The following KAZN variants were observed in gnomAD, a reference collection of about 807,000 sequenced individuals.
The protein encoded by KAZN is kazrin.
In KAZN, 40 loss-of-function variants were observed where a neutral mutation model predicts 87.4. The observed-to-expected ratio is 0.46, with a 90% CI of 0.36 to 0.60. KAZN has a LOEUF of 0.60. Among genes scored for constraint, KAZN ranks in the 20% least tolerant of loss-of-function variants. KAZN has a pLI of 0.00. For missense variants in KAZN, 898 were observed against 1,073.9 expected, an observed-to-expected ratio of 0.84 and a Z score of 2.29; for synonymous variants, 466 against 458.3, an observed-to-expected ratio of 1.02 and a Z score of -0.22.
intron 1 of KAZN, among the ~76,000 whole-genome samples, chr1:14,691,423 G>T (rs865968340): frequency 6.6e-6 from 1 of 152,188 alleles, no homozygotes; most frequent in Non-Finnish European, 1.5e-5. Flanking sequence ...GTGCATGCAT[G>T]AAAGAATAAC....
At chr1:14,341,907 G>A (rs566742517) in intron 2 of KAZN, among the ~76,000 whole-genome samples, 22 of 152,174 alleles carry the variant, frequency 1.4e-4, no homozygotes, top group South Asian at 4.1e-4. Flanking sequence ...GGGGTTTGTC[G>A]TACAGATTAT....
intron 2 of KAZN, among the ~76,000 whole-genome samples, chr1:14,379,045 A>G (rs1661146445): frequency 1.0e-5 from 1 of 95,690 alleles, no homozygotes; most frequent in Non-Finnish European, 2.1e-5. Context: ...TGCATCTAGA[A>G]TGCCAGCTCA....
At chr1:14,117,346 G>C (rs1287339105) in intron 1 of KAZN, among the ~76,000 whole-genome samples, 3 of 152,138 alleles carry the variant, frequency 2.0e-5, no homozygotes, top group Non-Finnish European at 4.4e-5. Flanking sequence ...TAAGTCTCAT[G>C]GGAACTGATG....
Position 14,018,834 on chromosome 1 carries a change from A to G in KAZN, c.91+125078A>G, listed in dbSNP as rs537087934. Reference sequence around the variant, plus strand: ...TTCTCAGGCTTTCAGTCTCGGACTAAGAATGACACCATTAGCTTCCCTGGC... The same window carrying G: ...TTCTCAGGCTTTCAGTCTCGGACTAGGAATGACACCATTAGCTTCCCTGGC... On this transcript the variant is annotated intron_variant, in intron 1 of 16. Transcript: ENST00000636203. Among the ~76,000 whole-genome samples, 43 of 152,272 alleles carry G rather than the reference A, an allele frequency of 2.8e-4. 1 individual carries two copies. Among genetic ancestry groups the G allele is most frequent in the African/African-American group, 9.9e-4 (41 of 41,562 alleles).
chr1:14,643,719 T>G (rs944568886), intron 1 of KAZN, among the ~76,000 whole-genome samples: 9 of 152,224 alleles, frequency 5.9e-5, no homozygotes, highest in African/African-American at 1.9e-4. Flanking sequence ...AGTTCTACTT[T>G]TAGCTCTCTG....
At chr1:14,878,656 G>A (rs1198632050) in intron 1 of KAZN, among the ~76,000 whole-genome samples, 5 of 152,170 alleles carry the variant, frequency 3.3e-5, no homozygotes, top group African/African-American at 1.2e-4. Flanking sequence ...GGACAAGGAG[G>A]AGAAAGGACA....
chr1:14,528,525 T>C (rs1022478877), intron 2 of KAZN, among the ~76,000 whole-genome samples: 3 of 151,844 alleles, frequency 2.0e-5, no homozygotes, highest in Admixed American at 1.3e-4. Flanking sequence ...GGCTCACGCC[T>C]GTAACCCCAG....
At chr1:14,625,551 C>T (rs925614622) in intron 1 of KAZN, among the ~76,000 whole-genome samples, 2 of 152,144 alleles carry the variant, frequency 1.3e-5, no homozygotes, top group African/African-American at 4.8e-5. Flanking sequence ...AAAAGATTTC[C>T]AGTCATATTT....
chr1:14,042,548 G>A (rs1387800183), intron 1 of KAZN, among the ~76,000 whole-genome samples: 1 of 152,118 alleles, frequency 6.6e-6, no homozygotes, highest in Non-Finnish European at 1.5e-5. Context: ...ACTTTCTTCT[G>A]CTCACTCAAT....
chr1:14,509,948 G>T (rs967696804), intron 2 of KAZN, among the ~76,000 whole-genome samples: 1 of 152,188 alleles, frequency 6.6e-6, no homozygotes, highest in East Asian at 1.9e-4. Flanking sequence ...GGATTCATTA[G>T]TACAAAGGCT....
At chr1:14,344,288 G>T (rs569892556) in intron 2 of KAZN, among the ~76,000 whole-genome samples, 4 of 149,368 alleles carry the variant, frequency 2.7e-5, no homozygotes, top group African/African-American at 9.9e-5. Flanking sequence ...ACTGAGATGT[G>T]CTGGAATTAT....
rs551330417 is a variant in KAZN at position 14,717,560 on chromosome 1, A to G, written c.226+118337A>G. The stretch of plus-strand genomic sequence containing the variant: ...TGTCCTTTTTCCTGTCTCATAGAAG[A>G]ACACGCCCATTGGATTTCTGGCCCA... On this transcript the variant is annotated intron_variant, in intron 1 of 14. Transcript: ENST00000376030. 5.0e-4 allele frequency among the ~76,000 whole-genome samples: 76 copies of G among 152,206 alleles called. 1 individual carries two copies. The highest frequency in any genetic ancestry group is 4.4e-3 in the South Asian group (21 of 4,806).
intron 2 of KAZN, among the ~76,000 whole-genome samples, chr1:14,334,688 TG>T (rs1211953226): frequency 1.3e-5 from 2 of 152,278 alleles, no homozygotes; most frequent in East Asian, 3.9e-4. Context: ...GGGCTGGGGC[TG>T]GGGCTGGGGA....
intron 1 of KAZN, among the ~76,000 whole-genome samples, chr1:14,169,409 C>T (rs1645902232): frequency 6.6e-6 from 1 of 152,090 alleles, no homozygotes; most frequent in Non-Finnish European, 1.5e-5. Flanking sequence ...GCAGAGTTTC[C>T]ATGTTATATG....
At position 14,180,545 on chromosome 1, in the gene KAZN, C is replaced by G. The variant is rs749305145; in HGVS notation, c.202C>G (p.Leu68Val). 2.6e-6 allele frequency: 4 copies of G among 1,550,432 alleles called. No homozygotes were observed. The East Asian group carries it at 9.8e-5, about 38-fold the overall frequency. The change falls in exon 2 of 17, where the codon CTG becomes GTG. Residue 68 changes from leucine to valine, a missense_variant. Physicochemically the swap from Leu to Val is conservative, Grantham distance 32. Transcript: ENST00000636203. Reference sequence around the variant, plus strand: ...TTTTCTACCCACTGAGAAGGAGACTCTGAAGAGTTCCATGATATTGATGAG... The same window carrying G: ...TTTTCTACCCACTGAGAAGGAGACTGTGAAGAGTTCCATGATATTGATGAG...
rs946268580 is a variant in KAZN at position 14,189,979 on chromosome 1, T to A, written c.249+9387T>A. 4.6e-5 allele frequency among the ~76,000 whole-genome samples: 7 copies of A among 152,116 alleles called. No individual in the cohort carries two copies. In the East Asian group the frequency reaches 5.8e-4, roughly 13 times the overall value. Reference sequence around the variant, plus strand: ...TTAGAGGGCACGAACTGTGTTCTTATACCCCTATATGTGCACAGAGAACAG... The same window carrying A: ...TTAGAGGGCACGAACTGTGTTCTTAAACCCCTATATGTGCACAGAGAACAG... On this transcript the variant is annotated intron_variant, in intron 2 of 16. Transcript: ENST00000636203.
chr1:14,989,149 C>T (rs986124609), intron 2 of KAZN, among the ~76,000 whole-genome samples: 7 of 152,298 alleles, frequency 4.6e-5, no homozygotes, highest in East Asian at 3.9e-4. Flanking sequence ...CTCAGTGACT[C>T]GGGGTCACCC....
chr1:14,305,061 C>T (rs1332053147), intron 2 of KAZN, among the ~76,000 whole-genome samples: 1 of 152,084 alleles, frequency 6.6e-6, no homozygotes, highest in Non-Finnish European at 1.5e-5. Context: ...CATACTCACA[C>T]ATCCCTAAAT....
In KAZN at chr1:15,077,587, C is replaced by CTG. The variant is rs1181717990; in HGVS notation, c.1222+11835_1222+11836dup. Among the ~76,000 whole-genome samples, 2 of 152,224 alleles carry CTG rather than the reference C, an allele frequency of 1.3e-5. No homozygotes were observed. Among genetic ancestry groups the CTG allele is most frequent in the Non-Finnish European group, 2.9e-5 (2 of 68,048 alleles). On this transcript the variant is annotated intron_variant, in intron 8 of 14. Coordinates refer to ENST00000376030, the MANE Select transcript of KAZN (RefSeq NM_201628.3). This position sits in a 1 kb window ranked among gnomAD's most constrained non-coding sequence, Gnocchi z 4.8. ...CAAGGGCTACACAGGACCAGGTCAGCTGCTTGCAGCCACGTGACTCAGTTG... is the reference window on the plus strand; with the variant it reads ...CAAGGGCTACACAGGACCAGGTCAGCTGTGCTTGCAGCCACGTGACTCAGTTG...
Sources: allele counts gnomAD v4.1 joint callset (sites outside exome capture counted in the v4.1 genomes callset), GRCh38; gene constraint gnomAD v4.1.1; non-coding constraint Gnocchi (gnomAD v3.1); transcripts MANE v1.5; gene names NCBI Gene and HGNC (gene_info 2026-07-23, HGNC 2026-07-21).